KHDRBS3: variants seen among roughly 807,000 people sequenced by gnomAD.
KHDRBS3 encodes the protein KH RNA binding domain containing, signal transduction associated 3, also known as KH domain-containing, RNA-binding, signal transduction-associated protein 3.
Under a neutral mutation model 45.6 loss-of-function variants are expected in KHDRBS3, and 23 were observed. That is an observed-to-expected ratio of 0.50 (90% confidence interval 0.36 to 0.72). The LOEUF is 0.72. Among genes scored for constraint, KHDRBS3 ranks in the 30% least tolerant of loss-of-function variants. KHDRBS3 has a pLI of 0.00. For missense variants in KHDRBS3, 352 were observed against 424.8 expected, an observed-to-expected ratio of 0.83 and a Z score of 1.51; for synonymous variants, 162 against 156.5, an observed-to-expected ratio of 1.04 and a Z score of -0.26.
At chr8:135,626,450 C>T (rs937724350) in intron 7 of KHDRBS3, among the ~76,000 whole-genome samples, 8 of 152,300 alleles carry the variant, frequency 5.3e-5, no homozygotes, top group Non-Finnish European at 7.3e-5. Context: ...GTGAGCTGCA[C>T]GCCTGGCCAT....
intron 7 of KHDRBS3, among the ~76,000 whole-genome samples, chr8:135,621,145 G>A (rs1367326695): frequency 2.9e-5 from 4 of 137,522 alleles, no homozygotes; most frequent in African/African-American, 1.0e-4. Context: ...AGGGGGGGAG[G>A]ATGGGAGGGT....
chr8:135,620,484 G>C (rs150695326), intron 7 of KHDRBS3, among the ~76,000 whole-genome samples: 14 of 152,234 alleles, frequency 9.2e-5, no homozygotes, highest in African/African-American at 3.4e-4. Context: ...CTGATACTGA[G>C]TTTCACAGTT....
At chr8:135,505,102 T>C (rs796118314) in intron 1 of KHDRBS3, among the ~76,000 whole-genome samples, 7 of 152,268 alleles carry the variant, frequency 4.6e-5, no homozygotes, top group African/African-American at 1.7e-4. Flanking sequence ...TAACCATCAG[T>C]ACATCACAGT....
At chr8:135,476,433 C>T (rs6577646) in intron 1 of KHDRBS3, among the ~76,000 whole-genome samples, 85,296 of 151,938 alleles carry the variant, frequency 0.56, 24,808 homozygotes, top group East Asian at 0.78. Flanking sequence ...TGAACCACGG[C>T]GCCCGACCCC....
At chr8:135,570,819 T>A (rs188937203) in intron 5 of KHDRBS3, among the ~76,000 whole-genome samples, 1 of 152,326 alleles carries the variant, frequency 6.6e-6, no homozygotes, top group East Asian at 1.9e-4. Flanking sequence ...TTTCTTGCTG[T>A]AAGGTCCACC....
At chr8:135,515,851 C>T (rs1824568515) in intron 1 of KHDRBS3, among the ~76,000 whole-genome samples, 1 of 152,186 alleles carries the variant, frequency 6.6e-6, no homozygotes, top group Non-Finnish European at 1.5e-5. Context: ...AAAAGTATTT[C>T]TGTACCCTAT....
At chr8:135,472,185 A>G (rs905334784) in intron 1 of KHDRBS3, among the ~76,000 whole-genome samples, 2 of 152,244 alleles carry the variant, frequency 1.3e-5, no homozygotes, top group Non-Finnish European at 2.9e-5. Flanking sequence ...AGGTGTACCA[A>G]GAGTGTTCAC....
intron 2 of KHDRBS3, among the ~76,000 whole-genome samples, chr8:135,523,304 C>T (rs115727521): frequency 0.017 from 2,618 of 152,108 alleles, 39 homozygotes; most frequent in African/African-American, 0.049. Context: ...CTATCAACAG[C>T]GCTTTGTACT....
At chr8:135,550,218 G>A (rs1586705116) in intron 4 of KHDRBS3, among the ~76,000 whole-genome samples, 1 of 152,156 alleles carries the variant, frequency 6.6e-6, no homozygotes, top group African/African-American at 2.4e-5. Context: ...AAAGATGGCT[G>A]CAGTAGCACC....
chr8:135,614,382 A>T (rs1391088892), intron 7 of KHDRBS3, among the ~76,000 whole-genome samples: 1 of 151,762 alleles, frequency 6.6e-6, no homozygotes, highest in East Asian at 1.9e-4. Context: ...CCCCTTGTAA[A>T]TATCTTTATT....
At chr8:135,474,990 A>G (rs1285192726) in intron 1 of KHDRBS3, among the ~76,000 whole-genome samples, 1 of 152,190 alleles carries the variant, frequency 6.6e-6, no homozygotes, top group Non-Finnish European at 1.5e-5. Context: ...CTTCATAGCC[A>G]GCAACTCCAG....
intron 1 of KHDRBS3, among the ~76,000 whole-genome samples, chr8:135,477,403 T>C (rs530249683): frequency 5.1e-4 from 78 of 152,330 alleles, no homozygotes; most frequent in Non-Finnish European, 1.0e-3. Flanking sequence ...TTGAAATGAT[T>C]TCATAAAATA....
At chr8:135,597,304 G>A (rs939616764) in intron 6 of KHDRBS3, among the ~76,000 whole-genome samples, 5 of 152,114 alleles carry the variant, frequency 3.3e-5, no homozygotes, top group African/African-American at 4.8e-5. Flanking sequence ...TAAGCACTTC[G>A]CAAGAGGCCC....
intron 6 of KHDRBS3, among the ~76,000 whole-genome samples, chr8:135,590,009 A>G (rs1326924272): frequency 1.3e-5 from 2 of 152,240 alleles, no homozygotes; most frequent in Non-Finnish European, 2.9e-5. Context: ...AAATACAGTC[A>G]AGTATCCCTT....
intron 2 of KHDRBS3, among the ~76,000 whole-genome samples, chr8:135,537,444 A>G (rs1044320328): frequency 1.3e-5 from 2 of 152,220 alleles, no homozygotes; most frequent in African/African-American, 4.8e-5. Flanking sequence ...GATCAATTAA[A>G]GCTAGTTCAG....
intron 1 of KHDRBS3, among the ~76,000 whole-genome samples, chr8:135,467,522 G>A (rs1212632828): frequency 6.6e-6 from 1 of 152,200 alleles, no homozygotes; most frequent in Non-Finnish European, 1.5e-5. Context: ...TGCTTTGTCC[G>A]CCTTTGCCTT....
chr8:135,650,106 C>A (rs1247807079), downstream of KHDRBS3, among the ~76,000 whole-genome samples: 1 of 152,148 alleles, frequency 6.6e-6, no homozygotes, highest in Non-Finnish European at 1.5e-5. Context: ...CATTTATTTT[C>A]TCATATGGCA....
At chr8:135,606,532 C>G (rs1238511886) in intron 6 of KHDRBS3, among the ~76,000 whole-genome samples, 4 of 152,212 alleles carry the variant, frequency 2.6e-5, no homozygotes, top group Admixed American at 6.5e-5. Flanking sequence ...TATTCTGCCC[C>G]CTCCAGCAGC....
intron 1 of KHDRBS3, among the ~76,000 whole-genome samples, chr8:135,480,924 T>A (rs976486657): frequency 1.3e-5 from 2 of 152,166 alleles, no homozygotes; most frequent in African/African-American, 4.8e-5. Flanking sequence ...CTGATTTGTC[T>A]GTCCTGTCTT....
Sources: gnomAD v4.1 joint callset for allele counts (sites outside exome capture counted in the v4.1 genomes callset) on GRCh38, gnomAD v4.1.1 for gene constraint, MANE v1.5 for transcripts, NCBI Gene and HGNC (gene_info 2026-07-23, HGNC 2026-07-21) for gene names.